The following LIN52 variants were observed in gnomAD, a reference collection of about 807,000 sequenced individuals.
The protein encoded by LIN52 is lin-52 DREAM MuvB core complex component, also known as protein lin-52 homolog.
A neutral mutation model predicts 18.5 loss-of-function variants in LIN52; 4 were observed. That is an observed-to-expected ratio of 0.22 (90% CI 0.11 to 0.49). The LOEUF (loss-of-function observed/expected upper bound fraction) is 0.49, where lower values mean the gene tolerates loss of function less well. LIN52 is among the 20% of genes least tolerant of loss of function. The probability of loss-of-function intolerance (pLI) is 0.97; values close to 1 mark genes in which losing one functional copy is unlikely to be tolerated. For missense variants in LIN52, 102 were observed against 139.5 expected, an observed-to-expected ratio of 0.73 and a Z score of 1.35; for synonymous variants, 34 against 45.5, an observed-to-expected ratio of 0.75 and a Z score of 1.02.
intron 5 of LIN52, among the ~76,000 whole-genome samples, chr14:74,105,114 C>T (rs1169348862): frequency 6.6e-6 from 1 of 152,000 alleles, no homozygotes; most frequent in East Asian, 1.9e-4. Context: ...GAGTTTGTTC[C>T]CTAAGCATCA....
chr14:74,089,447 C>T (rs1022876910), intron 1 of LIN52, among the ~76,000 whole-genome samples: 1 of 150,702 alleles, frequency 6.6e-6, no homozygotes, highest in African/African-American at 2.4e-5. Context: ...TAGCTAACTG[C>T]AGCTGCCACC....
chr14:74,198,941 G>A lies in LIN52; in HGVS notation c.303G>A (p.Gly101=), dbSNP rs2078931162. Residue 101 remains glycine (G), a synonymous_variant, in exon 6 of 6, where the codon GGG becomes GGA. Coordinates refer to ENST00000555028, the MANE Select transcript of LIN52 (RefSeq NM_001024674.3). ...TTCCAGCCAGAGAGATGACACGGGG[G>A]AAATTCCTCAATATTCTAGAGAAGC... ...GLDESREMTR[G]KFLNILEKPK... is the part of the protein sequence containing the mutation. The A allele has an allele frequency of 4.3e-6, 7 of 1,613,074 alleles. No homozygotes were observed. Among genetic ancestry groups the A allele is most frequent in the Non-Finnish European group, 5.9e-6 (7 of 1,179,262 alleles).
chr14:74,104,430 TA>T (rs1460907792), intron 5 of LIN52, among the ~76,000 whole-genome samples: 2 of 152,062 alleles, frequency 1.3e-5, no homozygotes, highest in Non-Finnish European at 2.9e-5. Context: ...ACCTGCATTT[TA>T]TTTCCCCTTG....
chr14:74,130,278 G>GTATTTTTTTTTTTTTTTTTTTTTTT (rs1566856480), intron 5 of LIN52, among the ~76,000 whole-genome samples: 1 of 64,842 alleles, frequency 1.5e-5, no homozygotes, highest in Non-Finnish European at 2.8e-5. Context: ...GCATTTTTTG[G>GTATTTTTTTTTTTTTTTTTTTTTTT]TTTTTTTTTT....
At chr14:74,131,073 C>T (rs1166370994) in intron 5 of LIN52, among the ~76,000 whole-genome samples, 1 of 151,872 alleles carries the variant, frequency 6.6e-6, no homozygotes, top group Non-Finnish European at 1.5e-5. Flanking sequence ...AGGTGTGAGC[C>T]ACGTCACCCA....
chr14:74,086,264 A>G (rs2060730566), intron 1 of LIN52, among the ~76,000 whole-genome samples: 1 of 152,228 alleles, frequency 6.6e-6, no homozygotes, highest in South Asian at 2.1e-4. Context: ...ATTTATTGAA[A>G]GATTGATTAG....
At chr14:74,123,760 G>C (rs1425364878) in intron 5 of LIN52, among the ~76,000 whole-genome samples, 1 of 152,162 alleles carries the variant, frequency 6.6e-6, no homozygotes, top group East Asian at 1.9e-4. Flanking sequence ...CCACTTCTGA[G>C]ATTAAGTTAC....
intron 5 of LIN52, among the ~76,000 whole-genome samples, chr14:74,174,929 C>T (rs1278244849): frequency 6.6e-6 from 1 of 151,570 alleles, no homozygotes; most frequent in Non-Finnish European, 1.5e-5. Context: ...ATCACTTAAG[C>T]CCTCAGTTAA....
At chr14:74,166,225 A>AT (rs1248902604) in intron 5 of LIN52, among the ~76,000 whole-genome samples, 2 of 139,146 alleles carry the variant, frequency 1.4e-5, no homozygotes, top group Non-Finnish European at 1.6e-5. Context: ...GTTATTTTTT[A>AT]TTTTTTTTAA....
At chr14:74,145,054 T>G (rs2061147994) in intron 5 of LIN52, among the ~76,000 whole-genome samples, 1 of 152,230 alleles carries the variant, frequency 6.6e-6, no homozygotes, top group Admixed American at 6.5e-5. Flanking sequence ...AAGTGATCGC[T>G]TCTTTCTAAA....
At chr14:74,146,153 G>GT (rs1353182032) in intron 5 of LIN52, among the ~76,000 whole-genome samples, 1 of 151,962 alleles carries the variant, frequency 6.6e-6, no homozygotes, top group Non-Finnish European at 1.5e-5. Context: ...TGAATCCCAT[G>GT]TTTCCTGAAT....
At chr14:74,104,213 T>A (rs1343898384) in intron 5 of LIN52, among the ~76,000 whole-genome samples, 1 of 152,158 alleles carries the variant, frequency 6.6e-6, no homozygotes, top group African/African-American at 2.4e-5. Context: ...TGTTATTTTT[T>A]AAAAATATAA....
chr14:74,161,816 G>A (rs1283416105), intron 5 of LIN52, among the ~76,000 whole-genome samples: 3 of 152,212 alleles, frequency 2.0e-5, no homozygotes, highest in Admixed American at 1.3e-4. Flanking sequence ...GACCCTGCAC[G>A]CCAACCTGCT....
At chr14:74,098,156 T>G (rs2060828082) in intron 4 of LIN52, among the ~76,000 whole-genome samples, 1 of 152,178 alleles carries the variant, frequency 6.6e-6, no homozygotes, top group South Asian at 2.1e-4. Context: ...AATTTTTTCA[T>G]TTAATTCCCA....
intron 5 of LIN52, among the ~76,000 whole-genome samples, chr14:74,104,443 C>G (rs531471989): frequency 6.6e-6 from 1 of 152,006 alleles, no homozygotes; most frequent in African/African-American, 2.4e-5. Flanking sequence ...TTCCCCTTGT[C>G]ATTTGTTAAA....
intron 2 of LIN52, among the ~76,000 whole-genome samples, chr14:74,092,584 G>A (rs1194913827): frequency 6.6e-6 from 1 of 151,804 alleles, no homozygotes; most frequent in East Asian, 2.0e-4. Flanking sequence ...GGGATTACAG[G>A]CGTGAGCCAC....
intron 5 of LIN52, among the ~76,000 whole-genome samples, chr14:74,159,884 T>C (rs942868682): frequency 3.3e-5 from 5 of 152,204 alleles, no homozygotes; most frequent in African/African-American, 1.2e-4. Context: ...CAGCTGTCTT[T>C]ATGAAGTGCT....
chr14:74,160,156 G>A (rs1466738908), intron 5 of LIN52, among the ~76,000 whole-genome samples: 6 of 152,154 alleles, frequency 3.9e-5, no homozygotes, highest in Non-Finnish European at 5.9e-5. Context: ...TATGGCTGAA[G>A]TCTTTATACA....
chr14:74,140,270 T>G (rs759336745), intron 5 of LIN52, among the ~76,000 whole-genome samples: 1 of 152,186 alleles, frequency 6.6e-6, no homozygotes, highest in African/African-American at 2.4e-5. Context: ...GATTTTGCCC[T>G]AGTTATGGTG....
Sources: allele counts gnomAD v4.1 joint callset (sites outside exome capture counted in the v4.1 genomes callset), GRCh38; gene constraint gnomAD v4.1.1; transcripts MANE v1.5; gene names NCBI Gene and HGNC (gene_info 2026-07-23, HGNC 2026-07-21).